Variants in ZMYM2 observed in about 807,000 individuals in gnomAD.
ZMYM2 encodes the protein zinc finger MYM-type protein 2.
Under a neutral mutation model 162.8 loss-of-function variants are expected in ZMYM2, and 56 were observed. That is an observed-to-expected ratio of 0.34 (90% confidence interval 0.28 to 0.43). The LOEUF (loss-of-function observed/expected upper bound fraction) is 0.43, where lower values mean the gene tolerates loss of function less well. ZMYM2 is among the 20% of genes least tolerant of loss of function. The pLI is 1.00. For missense variants in ZMYM2, 1,275 were observed against 1,621.8 expected (o/e 0.79, Z 3.67); for synonymous variants, 510 against 541.6 (o/e 0.94, Z 0.81).
At chr13:19,937,622 T>A in the ZMYM2 span, among the ~76,000 whole-genome samples, 16 of 127,884 alleles carry the variant, frequency 1.3e-4, no homozygotes, top group Non-Finnish European at 2.7e-4. Context: ...TATTTTTAAA[T>A]TATTTTTTTT....
At chr13:20,009,599 C>CT (rs1211462592) in intron 6 of ZMYM2, among the ~76,000 whole-genome samples, 1 of 152,094 alleles carries the variant, frequency 6.6e-6, no homozygotes, top group African/African-American at 2.4e-5. Context: ...TAACTTAGTA[C>CT]TTTCTGTCTC....
intron 2 of ZMYM2, among the ~76,000 whole-genome samples, chr13:19,990,009 T>C (rs1310430029): frequency 6.6e-6 from 1 of 152,244 alleles, no homozygotes; most frequent in East Asian, 1.9e-4. Context: ...CCATCTAGTT[T>C]GTTTCTTTGC....
Position 20,003,118 on chromosome 13 carries a change from C to T in ZMYM2, c.1116C>T (p.Leu372=), listed in dbSNP as rs780977775. ...SFSHKPAPKK[L]CVMCKKDITT... is the part of the protein sequence containing the mutation. Reference sequence around the variant, plus strand: ...CCCACAAGCCTGCTCCAAAGAAACTCTGTGTTATGTGTAAAAAGTAAGGTT... The same window carrying T: ...CCCACAAGCCTGCTCCAAAGAAACTTTGTGTTATGTGTAAAAAGTAAGGTT... The change falls in exon 4 of 25, where the codon CTC becomes CTT. Residue 372 remains leucine (L), a synonymous_variant. Coordinates refer to ENST00000610343, the MANE Select transcript of ZMYM2 (RefSeq NM_197968.4). The T allele has an allele frequency of 4.3e-6, 7 of 1,613,930 alleles. No homozygotes were observed. In the Middle Eastern group the frequency reaches 6.6e-4, roughly 152 times the overall value.
chr13:19,920,163 T>C, the ZMYM2 span, among the ~76,000 whole-genome samples: 1 of 152,170 alleles, frequency 6.6e-6, no homozygotes, highest in Non-Finnish European at 1.5e-5. Context: ...TTATGATCCC[T>C]AAATTAACCT....
At chr13:19,965,264 A>G (rs1955641284) in intron 2 of ZMYM2, 14 of 1,298,686 alleles carry the variant, frequency 1.1e-5, no homozygotes, top group Non-Finnish European at 1.3e-5. Context: ...CCTGGATACC[A>G]TCTCTGGACT....
At chr13:20,065,317 G>A (rs372481858) in intron 19 of ZMYM2, among the ~76,000 whole-genome samples, 2 of 152,120 alleles carry the variant, frequency 1.3e-5, no homozygotes, top group South Asian at 2.1e-4. Context: ...ATGAGCCATA[G>A]ACCTAAATGT....
the ZMYM2 span, among the ~76,000 whole-genome samples, chr13:19,943,206 T>G: frequency 6.6e-6 from 1 of 152,194 alleles, no homozygotes; most frequent in Non-Finnish European, 1.5e-5. Context: ...TTTTCTTCCC[T>G]CTGTATGTGT....
chr13:19,971,428 A>G (rs1359432410), intron 2 of ZMYM2, among the ~76,000 whole-genome samples: 1 of 150,742 alleles, frequency 6.6e-6, no homozygotes, highest in Non-Finnish European at 1.5e-5. Flanking sequence ...GTGCCACCAC[A>G]CCAGGTTAAT....
Position 20,082,023 on chromosome 13 carries a change from G to A in ZMYM2, c.3461G>A (p.Cys1154Tyr). The A allele has an allele frequency of 6.4e-7, 1 of 1,568,538 alleles. No individual in the cohort carries two copies. Among genetic ancestry groups the A allele is most frequent in the South Asian group, 1.2e-5 (1 of 83,748 alleles). The change falls in exon 22 of 25, where the codon TGT becomes TAT. Residue 1154 changes from cysteine (C) to tyrosine (Y), a missense_variant. Transcript: ENST00000610343. ...YLCLGIQEYLCGSNRKDNIFI... is the reference protein window; with the variant it reads ...YLCLGIQEYLYGSNRKDNIFI... ...CTTTTTTTTTTTTTATAGTATTTGT[G>A]TGGAAGTAATCGAAAAGACAACATA...
chr13:19,924,182 C>T, the ZMYM2 span, among the ~76,000 whole-genome samples: 1 of 152,288 alleles, frequency 6.6e-6, no homozygotes, highest in African/African-American at 2.4e-5. Context: ...ACATTTTCCC[C>T]TCCCTTCAGC....
intron 2 of ZMYM2, among the ~76,000 whole-genome samples, chr13:19,987,605 A>C (rs1489637975): frequency 9.0e-6 from 1 of 110,722 alleles, no homozygotes; most frequent in Non-Finnish European, 1.8e-5. Flanking sequence ...GTGTATAGGA[A>C]AGATGGGGTT....
chr13:20,017,543 T>C (rs1376430833), intron 6 of ZMYM2, among the ~76,000 whole-genome samples: 1 of 152,150 alleles, frequency 6.6e-6, no homozygotes, highest in African/African-American at 2.4e-5. Flanking sequence ...CAAACAGTAG[T>C]GTTTTTGGAG....
chr13:20,061,108 C>G lies in ZMYM2; in HGVS notation c.2795C>G (p.Ala932Gly). The G allele has an allele frequency of 6.2e-7, 1 of 1,612,656 alleles. No individual in the cohort carries two copies. The highest frequency in any genetic ancestry group is 8.5e-7 in the Non-Finnish European group (1 of 1,179,316). ...TTGGACAGCAGTGAGAAGATTCCTG[C>G]AGCAATTGAGGAGCTAAAAAGCAAG... is the stretch of plus-strand genomic sequence containing the variant. ...APLDSSEKIP[A>G]AIEELKSKVS... The change falls in exon 17 of 25, where the codon GCA becomes GGA. Residue 932 changes from alanine (A) to glycine (G), a missense_variant. Transcript: ENST00000610343.
At chr13:19,993,041 C>A (rs1949747707) in intron 2 of ZMYM2, 22 bp from the exon 3 acceptor site, 1 of 1,539,210 alleles carries the variant, frequency 6.5e-7, no homozygotes, top group East Asian at 2.3e-5. Flanking sequence ...CATTTTAATT[C>A]TTTTTTCTAT....
At chr13:19,881,123 G>A in the ZMYM2 span, among the ~76,000 whole-genome samples, 3 of 151,646 alleles carry the variant, frequency 2.0e-5, no homozygotes, top group Non-Finnish European at 2.9e-5. Flanking sequence ...TCCTGACCTC[G>A]TGATCTGCCC....
chr13:19,984,940 G>A (rs372023905), intron 2 of ZMYM2, among the ~76,000 whole-genome samples: 1 of 152,102 alleles, frequency 6.6e-6, no homozygotes, highest in East Asian at 1.9e-4. Context: ...CCCCAGAAGT[G>A]GTTTTCTTCT....
the ZMYM2 span, among the ~76,000 whole-genome samples, chr13:19,883,418 T>A: frequency 0.014 from 2,111 of 152,300 alleles, 48 homozygotes; most frequent in South Asian, 0.053. Flanking sequence ...TTAATTTTTT[T>A]AAAAAAGAAT....
the ZMYM2 span, among the ~76,000 whole-genome samples, chr13:19,897,671 G>C: frequency 6.6e-6 from 1 of 151,638 alleles, no homozygotes; most frequent in Admixed American, 6.6e-5. Flanking sequence ...ACAAAATAGA[G>C]TTTAAGTCAA....
At chr13:19,873,687 G>A in the ZMYM2 span, among the ~76,000 whole-genome samples, 2 of 152,020 alleles carry the variant, frequency 1.3e-5, no homozygotes, top group African/African-American at 4.8e-5. Context: ...GATTACAGGC[G>A]TGAGCCACCA....
Sources: allele counts gnomAD v4.1 joint callset (sites outside exome capture counted in the v4.1 genomes callset), GRCh38; gene constraint gnomAD v4.1.1; transcripts MANE v1.5; gene names NCBI Gene and HGNC (gene_info 2026-07-23, HGNC 2026-07-21).